PCID2: variants seen among roughly 807,000 people sequenced by gnomAD.
The protein encoded by PCID2 is PCI domain-containing protein 2.
Under a neutral mutation model 61.3 loss-of-function variants are expected in PCID2, and 41 were observed. The ratio of observed to expected loss-of-function variants is 0.67; its 90% CI spans 0.52 to 0.87. The LOEUF is 0.87. PCID2 is among the 40% of genes least tolerant of loss of function. The pLI, the probability that PCID2 is intolerant of heterozygous loss-of-function variation, is 0.00. For synonymous variants in PCID2, 187 were observed against 177.8 expected (o/e 1.05, Z -0.41); for missense variants, 392 against 493.4 (o/e 0.79, Z 1.95).
chr13:113,182,689 A>C (rs1566945778), intron 9 of PCID2, among the ~76,000 whole-genome samples: 1 of 151,966 alleles, frequency 6.6e-6, no homozygotes, highest in Non-Finnish European at 1.5e-5. Flanking sequence ...TTTAGTAGAG[A>C]CGGGGTTTCA....
intron 1 of PCID2, chr13:113,208,263 G>GGCCCGCAGGCCC (rs2040088889): frequency 6.9e-7 from 1 of 1,441,646 alleles, no homozygotes; most frequent in Non-Finnish European, 9.1e-7. Context: ...CCCTCGGCGT[G>GGCCCGCAGGCCC]GCCCGCAGGC....
the PCID2 span, among the ~76,000 whole-genome samples, chr13:113,165,506 G>A: frequency 1.3e-5 from 2 of 152,118 alleles, no homozygotes; most frequent in Non-Finnish European, 1.5e-5. Context: ...TCCTTGGCTG[G>A]TTTAGAAGTT....
downstream of PCID2, among the ~76,000 whole-genome samples, chr13:113,176,846 G>A (rs74115811): frequency 0.018 from 2,792 of 152,252 alleles, 85 homozygotes; most frequent in African/African-American, 0.063. Flanking sequence ...GTGCAACTCA[G>A]AAGAGAGCCC....
At chr13:113,205,822 G>A (rs1478770391) in intron 1 of PCID2, among the ~76,000 whole-genome samples, 1 of 152,186 alleles carries the variant, frequency 6.6e-6, no homozygotes, top group Non-Finnish European at 1.5e-5. Context: ...GGAGGACCAG[G>A]GAGTGACTGC....
At position 113,203,640 on chromosome 13, in the gene PCID2, G is replaced by A. The variant is rs140889903; in HGVS notation, c.37-3124C>T. ...GCCCATCCTCTGCAGGAGGCTTTCC[G>A]GTGTCCCCTGCCCACGCCCTGCAAG... On this transcript the variant is annotated intron_variant, in intron 1 of 13. Transcript: ENST00000337344. Among the ~76,000 whole-genome samples the A allele has an allele frequency of 1.2e-3, 189 of 152,258 alleles. 1 individual carries two copies. Among genetic ancestry groups the A allele is most frequent in the Middle Eastern group, 6.8e-3 (2 of 294 alleles).
intron 10 of PCID2, 86 bp from the exon 11 acceptor site, chr13:113,180,317 T>C: frequency 9.4e-7 from 1 of 1,067,966 alleles, no homozygotes; most frequent in Non-Finnish European, 1.4e-6. Flanking sequence ...AATTAAGTTT[T>C]AAGAAAATTG....
downstream of PCID2, among the ~76,000 whole-genome samples, chr13:113,174,419 A>G (rs371962022): frequency 5.9e-5 from 9 of 152,314 alleles, no homozygotes; most frequent in East Asian, 1.2e-3. Flanking sequence ...GCATTTAATG[A>G]CATGCTTAGA....
At chr13:113,180,272 G>C in intron 10 of PCID2, 41 bp from the exon 11 acceptor site, 5 of 1,441,928 alleles carry the variant, frequency 3.5e-6, no homozygotes, top group Non-Finnish European at 4.9e-6. Flanking sequence ...TTTCATTTTT[G>C]ACAAAATTGT....
At chr13:113,173,513 TCTC>T (rs1439915597), downstream of PCID2, among the ~76,000 whole-genome samples, 2 of 152,196 alleles carry the variant, frequency 1.3e-5, no homozygotes, top group Non-Finnish European at 2.9e-5. Context: ...GGACAAATAT[TCTC>T]TTGAGTTGAG....
At chr13:113,183,790 C>T (rs890377218) in intron 9 of PCID2, 13 of 984,480 alleles carry the variant, frequency 1.3e-5, no homozygotes, top group South Asian at 4.7e-5. Flanking sequence ...AAGTTACCAA[C>T]GTAAACTAAT....
chr13:113,178,927 T>C (rs1457928156), intron 13 of PCID2, 39 bp downstream of exon 13: 1 of 1,586,790 alleles, frequency 6.3e-7, no homozygotes, highest in African/African-American at 1.4e-5. Flanking sequence ...TGAATCTTGC[T>C]GTGAGTAGCT....
Position 113,185,506 on chromosome 13 carries a change from C to T in PCID2, c.522G>A (p.Gln174=), listed in dbSNP as rs2038030310. 1.2e-6 allele frequency: 2 copies of T among 1,612,526 alleles called. No individual in the cohort carries two copies. Among genetic ancestry groups the T allele is most frequent in the Admixed American group, 1.7e-5 (1 of 59,994 alleles). The stretch of plus-strand genomic sequence containing the variant: ...ACACCTTGAAGTAGATTTTAAACAG[C>T]TGGTTCACCAGAAACAGCATGCCCC... ...KKWGMLFLVN[Q]LFKIYFKINK... Residue 174 remains glutamine (Q), a synonymous_variant, in exon 8 of 14, where the codon CAG becomes CAA. Coordinates refer to ENST00000337344, the MANE Select transcript of PCID2 (RefSeq NM_001127202.4).
intron 5 of PCID2, among the ~76,000 whole-genome samples, chr13:113,195,970 G>A (rs2038982431): frequency 6.6e-6 from 1 of 152,076 alleles, no homozygotes; most frequent in South Asian, 2.1e-4. Context: ...TATTGACATA[G>A]ACACACTGCA....
chr13:113,190,931 G>A lies in PCID2; in HGVS notation c.408C>T (p.Asp136=). The change falls in exon 7 of 14, where the codon GAC becomes GAT. Residue 136 remains aspartate (D), a synonymous_variant. Coordinates refer to ENST00000337344, the MANE Select transcript of PCID2 (RefSeq NM_001127202.4). ...LVKKGKSKVG[D]MLEKAAELLM... ...GTAACTCTGCTGCTTTTTCCAACAT[G>A]TCCCCAACTTTGCTTTTTCCTTTCT... is the stretch of plus-strand genomic sequence containing the variant. 5 of 1,613,472 alleles carry A rather than the reference G, an allele frequency of 3.1e-6. No homozygotes were observed. The highest frequency in any genetic ancestry group is 4.2e-6 in the Non-Finnish European group (5 of 1,179,650).
chr13:113,196,890 T>C, intron 4 of PCID2: 1 of 722,430 alleles, frequency 1.4e-6, no homozygotes, highest in Non-Finnish European at 2.4e-6. Context: ...TCCCTGTAAA[T>C]ATACTTACTA....
At chr13:113,170,299 C>CG in the PCID2 span, 17 of 508,774 alleles carry the variant, frequency 3.3e-5, no homozygotes, top group Non-Finnish European at 4.0e-5. Flanking sequence ...CTGCCTTTGG[C>CG]GGGGGGTGGG....
intron 13 of PCID2, 140 bp from the exon 14 acceptor site, chr13:113,178,427 A>G (rs2037305410): frequency 6.8e-6 from 4 of 592,428 alleles, no homozygotes; most frequent in South Asian, 3.8e-5. Flanking sequence ...ACAATGAGTA[A>G]AAATAAATAC....
At chr13:113,201,729 G>A (rs1470420115) in intron 1 of PCID2, among the ~76,000 whole-genome samples, 2 of 150,070 alleles carry the variant, frequency 1.3e-5, no homozygotes, top group African/African-American at 4.9e-5. Context: ...GGAGAATGGC[G>A]CGAACCCAGG....
chr13:113,198,285 T>C (rs764311766), intron 2 of PCID2, 21 bp from the exon 3 acceptor site: 115 of 1,486,344 alleles, frequency 7.7e-5, no homozygotes, highest in Non-Finnish European at 9.5e-5. Context: ...AAAAGAAAAA[T>C]AGCAAAAGTA....
Sources: allele counts gnomAD v4.1 joint callset (sites outside exome capture counted in the v4.1 genomes callset), GRCh38; gene constraint gnomAD v4.1.1; transcripts MANE v1.5; gene names NCBI Gene and HGNC (gene_info 2026-07-23, HGNC 2026-07-21).